The following DRC11L variants were observed in gnomAD, a reference collection of about 807,000 sequenced individuals.
The protein encoded by DRC11L is dynein regulatory complex subunit 11 like, also known as dynein regulatory complex subunit like-11.
chr7:151,202,796 A>G, the DRC11L span: 2 of 397,978 alleles, frequency 5.0e-6, no homozygotes, highest in African/African-American at 2.1e-5. Flanking sequence ...GGCTGCAGTG[A>G]GCTGAAATCT....
At chr7:151,195,664 G>A in the DRC11L span, 2 of 399,658 alleles carry the variant, frequency 5.0e-6, no homozygotes, top group Non-Finnish European at 8.8e-6. Flanking sequence ...TCCACCTAGG[G>A]GAGACAGCCG....
chr7:151,196,833 TCTCCTCA>T, the DRC11L span: 1 of 398,044 alleles, frequency 2.5e-6, no homozygotes, highest in Middle Eastern at 6.3e-4. Flanking sequence ...CATACCTCCC[TCTCCTCA>T]TTTGGTGTTG....
At chr7:151,199,344 G>A in the DRC11L span, among the ~76,000 whole-genome samples, 7 of 151,478 alleles carry the variant, frequency 4.6e-5, no homozygotes, top group Non-Finnish European at 1.0e-4. The surrounding 1 kb of genome is among the most constrained non-coding windows in gnomAD (Gnocchi z 5.2). Flanking sequence ...GTTGGCAGCC[G>A]CTCTCGCAGC....
the DRC11L span, chr7:151,204,404 G>C: frequency 2.5e-6 from 1 of 396,502 alleles, no homozygotes; most frequent in East Asian, 3.6e-5. Context: ...CCCCAAGCTG[G>C]CCAGGGCGTG....
the DRC11L span, among the ~76,000 whole-genome samples, chr7:151,200,141 C>A: frequency 6.6e-6 from 1 of 152,190 alleles, no homozygotes. Flanking sequence ...ACACAGTGCC[C>A]TTCATGGCTC....
At chr7:151,204,523 A>G in the DRC11L span, 212,495 of 398,496 alleles carry the variant, frequency 0.53, 59,530 homozygotes, top group East Asian at 0.79. Context: ...GTGAGCTTGA[A>G]ATCCTGCAGC....
At chr7:151,196,061 A>G in the DRC11L span, 1 of 233,440 alleles carries the variant, frequency 4.3e-6, no homozygotes, top group Non-Finnish European at 8.3e-6. Flanking sequence ...GTTGTGTGAA[A>G]GATCACATGA....
the DRC11L span, among the ~76,000 whole-genome samples, chr7:151,199,309 G>A: frequency 4.4e-3 from 630 of 143,574 alleles, 4 homozygotes; most frequent in African/African-American, 0.015. The surrounding 1 kb of genome is among the most constrained non-coding windows in gnomAD (Gnocchi z 5.2). Context: ...CCCAGCCCCC[G>A]CCTGCACCCC....
chr7:151,199,936 G>A, the DRC11L span, among the ~76,000 whole-genome samples: 1 of 151,754 alleles, frequency 6.6e-6, no homozygotes, highest in Admixed American at 6.5e-5. This position sits in a 1 kb window ranked among gnomAD's most constrained non-coding sequence, Gnocchi z 5.2. Flanking sequence ...TGTGCACACA[G>A]GCACATGGCC....
At chr7:151,202,903 AG>A in the DRC11L span, 1 of 399,656 alleles carries the variant, frequency 2.5e-6, no homozygotes, top group Non-Finnish European at 4.4e-6. Context: ...CTGGGCACCT[AG>A]GGTTACCTTC....
chr7:151,193,372 C>CAGG, the DRC11L span: 8 of 399,512 alleles, frequency 2.0e-5, no homozygotes, highest in Non-Finnish European at 2.7e-5. Context: ...ACAGGTCGAA[C>CAGG]AGGTTGGCGC....
the DRC11L span, chr7:151,193,066 T>C: frequency 1.1e-4 from 42 of 397,390 alleles, no homozygotes; most frequent in Non-Finnish European, 1.8e-4. Context: ...AGTCTCATCC[T>C]ACCATGAAAA....
the DRC11L span, chr7:151,193,239 T>C: frequency 2.5e-6 from 1 of 399,050 alleles, no homozygotes; most frequent in Non-Finnish European, 4.4e-6. Context: ...CCCCCCTCCT[T>C]TGTTGCCACA....
At chr7:151,203,907 T>G in the DRC11L span, among the ~76,000 whole-genome samples, 1 of 151,998 alleles carries the variant, frequency 6.6e-6, no homozygotes, top group African/African-American at 2.4e-5. Flanking sequence ...TGGGGAAACT[T>G]TGAGATAGTC....
At chr7:151,197,191 G>A in the DRC11L span, 19 of 399,168 alleles carry the variant, frequency 4.8e-5, no homozygotes, top group Non-Finnish European at 7.5e-5. Context: ...CCATGCATCC[G>A]AGAGGTATCT....
the DRC11L span, chr7:151,197,207 C>T: frequency 2.5e-6 from 1 of 399,590 alleles, no homozygotes; most frequent in Non-Finnish European, 4.4e-6. Context: ...TATCTTACCC[C>T]CTTCTTGGCC....
At chr7:151,195,655 C>A in the DRC11L span, 1 of 399,718 alleles carries the variant, frequency 2.5e-6, no homozygotes, top group South Asian at 1.3e-4. Flanking sequence ...ATCAGCTCAT[C>A]CACCTAGGGG....
At chr7:151,191,141 C>A in the DRC11L span, 1 of 399,706 alleles carries the variant, frequency 2.5e-6, no homozygotes, top group Non-Finnish European at 4.4e-6. Context: ...CTGACCTCAC[C>A]CCTCCCCCTT....
the DRC11L span, among the ~76,000 whole-genome samples, chr7:151,200,929 C>G: frequency 6.6e-6 from 1 of 152,116 alleles, no homozygotes; most frequent in Non-Finnish European, 1.5e-5. Flanking sequence ...AGGCCCAAGA[C>G]CCCATCTGTG....
Sources: gnomAD v4.1 joint callset for allele counts (sites outside exome capture counted in the v4.1 genomes callset) on GRCh38, gnomAD v4.1.1 for gene constraint, Gnocchi (gnomAD v3.1) non-coding constraint, MANE v1.5 for transcripts, NCBI Gene and HGNC (gene_info 2026-07-23, HGNC 2026-07-21) for gene names.